MAF: variants seen among roughly 807,000 people sequenced by gnomAD.
MAF encodes transcription factor Maf.
A neutral mutation model predicts 22.0 loss-of-function variants in MAF; 10 were observed. The observed-to-expected ratio is 0.45, with a 90% CI of 0.28 to 0.77. The LOEUF is 0.77. Ranked by LOEUF, MAF falls within the 30% of genes least tolerant of loss-of-function variation. MAF has a pLI of 0.12. For missense variants in MAF, 544 were observed against 548.4 expected (o/e 0.99, Z 0.08); for synonymous variants, 337 against 255.8 (o/e 1.32, Z -3.03).
chr16:79,372,412 G>A, the MAF span, among the ~76,000 whole-genome samples: 1 of 152,276 alleles, frequency 6.6e-6, no homozygotes, highest in African/African-American at 2.4e-5. Context: ...CCTGGACTGT[G>A]ATATATGTCT....
chr16:79,432,220 C>G, the MAF span, among the ~76,000 whole-genome samples: 1 of 152,178 alleles, frequency 6.6e-6, no homozygotes, highest in Non-Finnish European at 1.5e-5. Flanking sequence ...CACTCATTCT[C>G]TCTCCTGCCG....
chr16:79,419,034 A>G, the MAF span, among the ~76,000 whole-genome samples: 6 of 152,242 alleles, frequency 3.9e-5, no homozygotes, highest in East Asian at 1.2e-3. Context: ...CATTTATTAA[A>G]TTAGTTTTCA....
chr16:79,327,305 G>A, the MAF span, among the ~76,000 whole-genome samples: 2 of 152,088 alleles, frequency 1.3e-5, no homozygotes, highest in East Asian at 1.9e-4. Flanking sequence ...ACACATTCCC[G>A]TTTTCTGGGT....
chr16:79,222,362 G>A, the MAF span, among the ~76,000 whole-genome samples: 7 of 152,048 alleles, frequency 4.6e-5, no homozygotes, highest in African/African-American at 1.2e-4. Flanking sequence ...AGGAACAACT[G>A]ATACCAGCCA....
the MAF span, among the ~76,000 whole-genome samples, chr16:79,268,198 G>T: frequency 0.083 from 12,629 of 152,126 alleles, 1,241 homozygotes; most frequent in East Asian, 0.33. Flanking sequence ...CAGCCCTGGG[G>T]TTGGAATCAG....
At chr16:79,211,565 C>A in the MAF span, 1 of 1,613,652 alleles carries the variant, frequency 6.2e-7, no homozygotes, top group African/African-American at 1.3e-5. Context: ...CTCATCACTC[C>A]TTTTCTTAAA....
At chr16:79,564,858 G>A in the MAF span, among the ~76,000 whole-genome samples, 1 of 152,154 alleles carries the variant, frequency 6.6e-6, no homozygotes, top group East Asian at 1.9e-4. Flanking sequence ...TAACTATGTG[G>A]GGAAGCGACT....
At chr16:79,278,819 G>A in the MAF span, among the ~76,000 whole-genome samples, 1 of 152,144 alleles carries the variant, frequency 6.6e-6, no homozygotes, top group Non-Finnish European at 1.5e-5. Context: ...GCCCCCAAGT[G>A]TCTGCCCCTT....
chr16:79,590,369 T>C (rs1287872961), downstream of MAF, among the ~76,000 whole-genome samples: 5 of 152,154 alleles, frequency 3.3e-5, no homozygotes, highest in African/African-American at 1.2e-4. Flanking sequence ...GAGCTTCCAG[T>C]GATGCTCCCC....
chr16:79,596,522 G>T lies in MAF; in HGVS notation c.1119-1969C>A, dbSNP rs59581308. 2,094 of 1,048,732 alleles carry T rather than the reference G, an allele frequency of 2.0e-3. 31 individuals are homozygous for T. In the African/African-American group the frequency reaches 0.03, roughly 15 times the overall value. 65.0% of individuals were successfully genotyped at this position (1,048,732 alleles called of 1,614,324 possible). ...TATTATTGTAGATTATTCTTTTCTT[G>T]ATATAACCAGAATTGAAAATGAAAG... On this transcript the variant is annotated intron_variant, in intron 1 of 1. Transcript: ENST00000326043.
At chr16:79,496,644 G>A in the MAF span, among the ~76,000 whole-genome samples, 1 of 152,198 alleles carries the variant, frequency 6.6e-6, no homozygotes, top group Non-Finnish European at 1.5e-5. Flanking sequence ...TTTCAAAGGA[G>A]GGAGTTCACA....
downstream of MAF, among the ~76,000 whole-genome samples, chr16:79,584,616 A>C (rs1912729203): frequency 6.6e-6 from 1 of 152,214 alleles, no homozygotes; most frequent in Non-Finnish European, 1.5e-5. Flanking sequence ...CAGTGGACCT[A>C]GATCATCATA....
the MAF span, among the ~76,000 whole-genome samples, chr16:79,564,938 G>A: frequency 6.6e-6 from 1 of 152,156 alleles, no homozygotes; most frequent in African/African-American, 2.4e-5. Context: ...GTTTTGGGTG[G>A]GCTGGTGTAA....
the MAF span, among the ~76,000 whole-genome samples, chr16:79,228,261 G>C: frequency 6.6e-6 from 1 of 151,980 alleles, no homozygotes; most frequent in African/African-American, 2.4e-5. Flanking sequence ...CTATTTGAAG[G>C]GAAAGAATGA....
chr16:79,220,531 G>A, the MAF span, among the ~76,000 whole-genome samples: 2 of 151,988 alleles, frequency 1.3e-5, no homozygotes, highest in Non-Finnish European at 2.9e-5. Context: ...CCTGTATCTA[G>A]CGAACAGATA....
At chr16:79,385,247 G>C in the MAF span, among the ~76,000 whole-genome samples, 1 of 152,200 alleles carries the variant, frequency 6.6e-6, no homozygotes, top group South Asian at 2.1e-4. Flanking sequence ...GAGGGAAATA[G>C]CTAACTTGCC....
chr16:79,551,500 A>G, the MAF span, among the ~76,000 whole-genome samples: 5 of 152,152 alleles, frequency 3.3e-5, no homozygotes, highest in Admixed American at 2.6e-4. Flanking sequence ...AACAATTACA[A>G]GTGAGAAAGA....
the MAF span, among the ~76,000 whole-genome samples, chr16:79,259,790 A>T: frequency 5.9e-5 from 9 of 152,192 alleles, no homozygotes; most frequent in African/African-American, 2.2e-4. Context: ...ATAGAGGCTG[A>T]GAAGGGCAAC....
the MAF span, among the ~76,000 whole-genome samples, chr16:79,358,458 C>T: frequency 6.6e-6 from 1 of 152,076 alleles, no homozygotes; most frequent in Non-Finnish European, 1.5e-5. Flanking sequence ...GAGAAGGCAG[C>T]CCAGCAGAGC....
Sources: gnomAD v4.1 joint callset for allele counts (sites outside exome capture counted in the v4.1 genomes callset) on GRCh38, gnomAD v4.1.1 for gene constraint, MANE v1.5 for transcripts, NCBI Gene and HGNC (gene_info 2026-07-23, HGNC 2026-07-21) for gene names.